Variants in EPHA4 observed in about 807,000 individuals in gnomAD.
EPHA4 encodes ephrin type-A receptor 4.
EPHA4 carries 19 observed loss-of-function variants against 108.3 expected under a neutral mutation model. That is an observed-to-expected ratio of 0.18 (90% CI 0.12 to 0.26). The LOEUF is 0.26. Among genes scored for constraint, EPHA4 ranks in the 10% least tolerant of loss-of-function variants. EPHA4 has a pLI of 1.00. For missense variants in EPHA4, 917 were observed against 1,254.0 expected (o/e 0.73, Z 4.06); for synonymous variants, 449 against 455.5 (o/e 0.99, Z 0.18).
Position 221,496,909 on chromosome 2 carries a change from CA to C in EPHA4, c.979+4107del, listed in dbSNP as rs1248934067. 2.2e-4 allele frequency among the ~76,000 whole-genome samples: 32 copies of C among 142,758 alleles called. No individual in the cohort carries two copies. In the East Asian group the frequency reaches 2.8e-3, roughly 13 times the overall value. 93.7% of individuals were successfully genotyped at this position (142,758 alleles called of 152,430 possible). A position where few individuals can be genotyped will look rare whatever the true frequency, so the allele number is the denominator to read the frequency against. ...GGGTGACAAGAGCAAAACTCGGTCT[CA>C]AAAAAAAAAAATTTAGTTCCATTGG... On this transcript the variant is annotated intron_variant, in intron 4 of 17. Transcript: ENST00000281821.
intron 3 of EPHA4, among the ~76,000 whole-genome samples, chr2:221,533,579 A>G (rs931945865): frequency 6.6e-6 from 1 of 152,082 alleles, no homozygotes; most frequent in Non-Finnish European, 1.5e-5. Flanking sequence ...CAGCTTCTAA[A>G]CACACAGATT....
chr2:221,503,042 A>C (rs1692526099), intron 3 of EPHA4, among the ~76,000 whole-genome samples: 1 of 152,202 alleles, frequency 6.6e-6, no homozygotes, highest in South Asian at 2.1e-4. Flanking sequence ...TGACTTTAGC[A>C]GGAAGAAGGA....
chr2:221,458,476 G>A (rs1691031543), intron 5 of EPHA4, among the ~76,000 whole-genome samples: 1 of 152,010 alleles, frequency 6.6e-6, no homozygotes, highest in Non-Finnish European at 1.5e-5. Context: ...ATGCCAAAAG[G>A]GAAACAATTT....
chr2:221,504,584 T>G (rs1692577621), intron 3 of EPHA4, among the ~76,000 whole-genome samples: 1 of 151,758 alleles, frequency 6.6e-6, no homozygotes, highest in African/African-American at 2.4e-5. Context: ...ATTTTTCTGC[T>G]TTTTAAGAAA....
intron 5 of EPHA4, among the ~76,000 whole-genome samples, chr2:221,471,520 G>A (rs1691488121): frequency 6.6e-6 from 1 of 152,136 alleles, no homozygotes; most frequent in Non-Finnish European, 1.5e-5. Context: ...TTATTTTTGT[G>A]TTTTCTGAAA....
intron 3 of EPHA4, among the ~76,000 whole-genome samples, chr2:221,511,997 C>T (rs1212509266): frequency 6.6e-6 from 1 of 151,822 alleles, no homozygotes; most frequent in Non-Finnish European, 1.5e-5. Flanking sequence ...CCTTTTTTTC[C>T]CCTCATGCCT....
At chr2:221,447,103 T>C (rs1348929424) in intron 8 of EPHA4, among the ~76,000 whole-genome samples, 2 of 152,192 alleles carry the variant, frequency 1.3e-5, no homozygotes, top group Non-Finnish European at 2.9e-5. Flanking sequence ...GTCAGGAGAA[T>C]ATATATCACT....
intron 8 of EPHA4, among the ~76,000 whole-genome samples, chr2:221,451,627 T>A (rs893120523): frequency 3.3e-5 from 5 of 152,188 alleles, no homozygotes; most frequent in African/African-American, 1.2e-4. Flanking sequence ...CTAACCTAGA[T>A]AACAAGTACA....
chr2:221,455,538 A>G lies in EPHA4; in HGVS notation c.1715+9T>C. On this transcript the variant is annotated intron_variant, in intron 8 of 17. Transcript: ENST00000281821. Reference sequence around the variant, plus strand: ...CGGGGGCTGCACAGTGAGTGGCTTCAGTGCTTACCTCCGGCTGATGACAAA... The same window carrying G: ...CGGGGGCTGCACAGTGAGTGGCTTCGGTGCTTACCTCCGGCTGATGACAAA... The G allele has an allele frequency of 6.2e-7, 1 of 1,603,386 alleles. No homozygotes were observed. Among genetic ancestry groups the G allele is most frequent in the Non-Finnish European group, 8.5e-7 (1 of 1,170,452 alleles).
rs555704785 is a variant in EPHA4, at chr2:221,486,825, A to G, written c.980-4135T>C. On this transcript the variant is annotated intron_variant, in intron 4 of 17. Transcript: ENST00000281821. ...TTTCTACCATGGTTCCTCGTTCAGA[A>G]ATTTCAAAAAATGTTTGATAAGTCA... is the stretch of plus-strand genomic sequence containing the variant. Among the ~76,000 whole-genome samples, 274 of 151,584 alleles carry G rather than the reference A, an allele frequency of 1.8e-3. 1 individual carries two copies. Among genetic ancestry groups the G allele is most frequent in the Non-Finnish European group, 2.7e-3 (181 of 67,876 alleles).
chr2:221,546,460 GTTTTC>G (rs1336117102), intron 3 of EPHA4, among the ~76,000 whole-genome samples: 2 of 151,538 alleles, frequency 1.3e-5, no homozygotes, highest in Non-Finnish European at 1.5e-5. Flanking sequence ...ATTTTTATCA[GTTTTC>G]TTTTATTTCC....
intron 3 of EPHA4, among the ~76,000 whole-genome samples, chr2:221,515,960 G>GA (rs71050339): frequency 0.6 from 84,714 of 140,620 alleles, 25,995 homozygotes; most frequent in African/African-American, 0.76. Flanking sequence ...GATTTGAAGG[G>GA]AAAAAAAAAA....
intron 5 of EPHA4, among the ~76,000 whole-genome samples, chr2:221,464,586 T>C (rs1465516591): frequency 6.6e-6 from 1 of 152,240 alleles, no homozygotes; most frequent in African/African-American, 2.4e-5. Context: ...TCCTTTTTCT[T>C]ACTATCATCA....
At chr2:221,475,702 G>C (rs544216927) in intron 5 of EPHA4, among the ~76,000 whole-genome samples, 1 of 152,180 alleles carries the variant, frequency 6.6e-6, no homozygotes, top group African/African-American at 2.4e-5. Context: ...GTGGGAATTT[G>C]TTCCAGTAAA....
chr2:221,505,821 C>G (rs1692614300), intron 3 of EPHA4, among the ~76,000 whole-genome samples: 1 of 152,140 alleles, frequency 6.6e-6, no homozygotes, highest in Non-Finnish European at 1.5e-5. Context: ...CCCCCAAGGA[C>G]CTGTTTTCAA....
intron 15 of EPHA4, among the ~76,000 whole-genome samples, chr2:221,427,001 T>C (rs576036298): frequency 2.6e-5 from 4 of 152,304 alleles, no homozygotes; most frequent in Non-Finnish European, 4.4e-5. Context: ...TTACAGACTT[T>C]CGTTCAGCAA....
intron 3 of EPHA4, among the ~76,000 whole-genome samples, chr2:221,549,873 C>A (rs1694108976): frequency 6.6e-6 from 1 of 152,148 alleles, no homozygotes; most frequent in South Asian, 2.1e-4. Context: ...TGCCTGTAAT[C>A]CCAGCTACTC....
intron 11 of EPHA4, among the ~76,000 whole-genome samples, chr2:221,437,772 A>G (rs1309360807): frequency 6.6e-6 from 1 of 151,554 alleles, no homozygotes; most frequent in Non-Finnish European, 1.5e-5. Flanking sequence ...AAAAAAAAAA[A>G]ATTTGCCAAG....
rs16862723 is a variant in EPHA4 at position 221,473,136 on chromosome 2, C to T, written c.1318+9216G>A. Among the ~76,000 whole-genome samples the T allele has an allele frequency of 4.5e-3, 679 of 152,242 alleles. 6 individuals carry two copies. Among genetic ancestry groups the T allele is most frequent in the African/African-American group, 0.016 (650 of 41,546 alleles). On this transcript the variant is annotated intron_variant, in intron 5 of 17. Coordinates refer to ENST00000281821, the MANE Select transcript of EPHA4 (RefSeq NM_004438.5). ...TCTCTCGTTTTTATCATTGCCGTTT[C>T]AGGGGAGCCTGGGGAACCTCTTTCA...
Sources: gnomAD v4.1 joint callset for allele counts (sites outside exome capture counted in the v4.1 genomes callset) on GRCh38, gnomAD v4.1.1 for gene constraint, MANE v1.5 for transcripts, NCBI Gene and HGNC (gene_info 2026-07-23, HGNC 2026-07-21) for gene names.